Variants in BMPER observed in about 807,000 individuals in gnomAD.
BMPER encodes BMP-binding endothelial regulator protein.
In BMPER, 45 loss-of-function variants were observed where a neutral mutation model predicts 87.3. That is an observed-to-expected ratio of 0.52 (90% CI 0.41 to 0.66). The LOEUF (loss-of-function observed/expected upper bound fraction) is 0.66, where lower values mean the gene tolerates loss of function less well. Ranked by LOEUF, BMPER falls within the 30% of genes least tolerant of loss-of-function variation. BMPER has a pLI of 0.00. For synonymous variants in BMPER, 326 were observed against 316.2 expected, an observed-to-expected ratio of 1.03 and a Z score of -0.33; for missense variants, 784 against 867.5, an observed-to-expected ratio of 0.90 and a Z score of 1.21.
intron 6 of BMPER, among the ~76,000 whole-genome samples, chr7:34,027,054 G>A (rs570210608): frequency 6.6e-6 from 1 of 152,152 alleles, no homozygotes; most frequent in South Asian, 2.1e-4. Context: ...TCATTTGCAT[G>A]ACCCAAATGT....
At chr7:34,087,437 G>A (rs1789244979) in intron 13 of BMPER, among the ~76,000 whole-genome samples, 1 of 152,162 alleles carries the variant, frequency 6.6e-6, no homozygotes, top group Non-Finnish European at 1.5e-5. Context: ...TAAGAACTTT[G>A]TGGTGCCCCA....
chr7:34,077,916 A>ATT (rs146407338), intron 11 of BMPER, among the ~76,000 whole-genome samples: 31 of 146,776 alleles, frequency 2.1e-4, no homozygotes, highest in African/African-American at 7.5e-4. Context: ...TGTGCTTTTT[A>ATT]TTTTTTTTTT....
chr7:33,928,237 G>A lies in BMPER; in HGVS notation c.220-9052G>A, dbSNP rs1308441325. ...CCTCTCGGTTCACATGCCTGGCAGA[G>A]TGAGTTGCAACCTACCTGTTGGTTT... is the stretch of plus-strand genomic sequence containing the variant. On this transcript the variant is annotated intron_variant, in intron 2 of 14. Coordinates refer to ENST00000649409, the MANE Select transcript of BMPER (RefSeq NM_001365308.1). Among the ~76,000 whole-genome samples the A allele has an allele frequency of 3.3e-5, 5 of 152,270 alleles. No homozygotes were observed. In the East Asian group the frequency reaches 5.8e-4, roughly 18 times the overall value.
chr7:33,924,932 G>C (rs1784325307), intron 2 of BMPER, among the ~76,000 whole-genome samples: 1 of 152,194 alleles, frequency 6.6e-6, no homozygotes, highest in Non-Finnish European at 1.5e-5. Context: ...AAAGTGCTGG[G>C]ATTACAGGCG....
chr7:34,136,487 G>A (rs1001950149), intron 13 of BMPER, among the ~76,000 whole-genome samples: 3 of 152,134 alleles, frequency 2.0e-5, no homozygotes, highest in Non-Finnish European at 4.4e-5. Context: ...ATTAAAATGT[G>A]AGTTTTTTAA....
intron 9 of BMPER, among the ~76,000 whole-genome samples, chr7:34,056,261 G>GT (rs1168379363): frequency 2.6e-4 from 40 of 152,294 alleles, no homozygotes; most frequent in African/African-American, 9.6e-4. Context: ...GGGAGGGAGA[G>GT]TATTAGAAAG....
At chr7:34,091,066 C>T (rs1451180542) in intron 13 of BMPER, among the ~76,000 whole-genome samples, 2 of 152,130 alleles carry the variant, frequency 1.3e-5, no homozygotes, top group Non-Finnish European at 2.9e-5. Context: ...TGCGGGAGAA[C>T]ACTGGAACTC....
chr7:34,078,460 G>C (rs527245447), intron 11 of BMPER, among the ~76,000 whole-genome samples: 1 of 152,136 alleles, frequency 6.6e-6, no homozygotes, highest in East Asian at 1.9e-4. Context: ...CTAATGTCTT[G>C]GTGTATTGAC....
chr7:34,058,068 A>T lies in BMPER; in HGVS notation c.937A>T (p.Met313Leu), dbSNP rs1788331256. The T allele has an allele frequency of 6.2e-7, 1 of 1,613,946 alleles. No individual in the cohort carries two copies. The highest frequency in any genetic ancestry group is 8.5e-7 in the Non-Finnish European group (1 of 1,179,916). Residue 313 changes from methionine (M) to leucine (L), a missense_variant, in exon 10 of 15, where the codon ATG (methionine) becomes TTG (leucine). Physicochemically the swap from Met to Leu is conservative, Grantham distance 15 (BLOSUM62 2). Coordinates refer to ENST00000649409, the MANE Select transcript of BMPER (RefSeq NM_001365308.1). ...GTGCCCTCTCTTGTAGGATGGAGAG[A>T]TGTGGTCCTCTATCAATTGTACCAT... ...FGNKIFQDGE[M>L]WSSINCTICA... is the part of the protein sequence containing the mutation.
At chr7:34,126,380 A>T (rs1322606689) in intron 13 of BMPER, among the ~76,000 whole-genome samples, 1 of 152,190 alleles carries the variant, frequency 6.6e-6, no homozygotes. Flanking sequence ...GTTAGATTGT[A>T]CTTTAAATGT....
intron 6 of BMPER, among the ~76,000 whole-genome samples, chr7:34,015,639 C>A (rs1235382890): frequency 6.6e-6 from 1 of 152,038 alleles, no homozygotes; most frequent in East Asian, 2.0e-4. Context: ...ATTCCCTATG[C>A]AGTTGAGCAC....
At chr7:33,973,899 C>T (rs534189762) in intron 5 of BMPER, among the ~76,000 whole-genome samples, 1 of 152,090 alleles carries the variant, frequency 6.6e-6, no homozygotes, top group Non-Finnish European at 1.5e-5. Flanking sequence ...TATGACCTCT[C>T]TTTGGAATCT....
In BMPER at chr7:34,099,398, A is replaced by G. The variant is rs990921390; in HGVS notation, c.1745+13306A>G. Among the ~76,000 whole-genome samples, 4 of 152,368 alleles carry G rather than the reference A, an allele frequency of 2.6e-5. No individual in the cohort carries two copies. The East Asian group carries it at 5.8e-4, about 22-fold the overall frequency. On this transcript the variant is annotated intron_variant, in intron 13 of 14. Coordinates refer to ENST00000649409, the MANE Select transcript of BMPER (RefSeq NM_001365308.1). ...GGAATTTGCAAATATTTCTTGTGCT[A>G]TAATGTATTTTCATTTTGAAGGATT...
At chr7:33,953,151 G>A (rs1156430228) in intron 3 of BMPER, among the ~76,000 whole-genome samples, 4 of 152,196 alleles carry the variant, frequency 2.6e-5, no homozygotes, top group African/African-American at 4.8e-5. Context: ...GGGTTCCGGG[G>A]ACTGTGGCAT....
intron 3 of BMPER, among the ~76,000 whole-genome samples, chr7:33,964,172 G>A (rs1409284586): frequency 6.6e-6 from 1 of 152,160 alleles, no homozygotes; most frequent in Non-Finnish European, 1.5e-5. Flanking sequence ...AACCCAAAGA[G>A]TGATGAGAAT....
chr7:34,115,505 C>G (rs192211249), intron 13 of BMPER, among the ~76,000 whole-genome samples: 12 of 152,294 alleles, frequency 7.9e-5, no homozygotes, highest in African/African-American at 2.9e-4. Flanking sequence ...CCTTTTCCAC[C>G]TTATCCCTAG....
chr7:33,907,050 A>T, intron 2 of BMPER, 147 bp downstream of exon 2: 1 of 809,484 alleles, frequency 1.2e-6, no homozygotes, highest in Non-Finnish European at 2.0e-6. Context: ...AGTTGAATCC[A>T]GTTAATTTCT....
At chr7:34,135,978 C>T (rs543836972) in intron 13 of BMPER, among the ~76,000 whole-genome samples, 6 of 152,164 alleles carry the variant, frequency 3.9e-5, no homozygotes, top group Non-Finnish European at 7.4e-5. Flanking sequence ...TGCCCTGTCT[C>T]CCCAGATGAA....
intron 13 of BMPER, among the ~76,000 whole-genome samples, chr7:34,110,157 C>G (rs1789922266): frequency 1.3e-5 from 2 of 152,158 alleles, no homozygotes; most frequent in South Asian, 4.1e-4. Flanking sequence ...TATCCATTGG[C>G]TGTGCACTGT....
Sources: allele counts gnomAD v4.1 joint callset (sites outside exome capture counted in the v4.1 genomes callset), GRCh38; gene constraint gnomAD v4.1.1; transcripts MANE v1.5; gene names NCBI Gene and HGNC (gene_info 2026-07-23, HGNC 2026-07-21).